PPP1R37: variants seen among roughly 807,000 people sequenced by gnomAD.
PPP1R37 encodes leucine rich repeat containing 68.
In PPP1R37, 21 loss-of-function variants were observed where a neutral mutation model predicts 61.0. The observed-to-expected ratio is 0.34, with a 90% CI of 0.24 to 0.50. PPP1R37 has a LOEUF of 0.50. Ranked by LOEUF, PPP1R37 falls within the 20% of genes least tolerant of loss-of-function variation. The pLI is 0.98. For missense variants in PPP1R37, 910 were observed against 952.7 expected, an observed-to-expected ratio of 0.96 and a Z score of 0.59; for synonymous variants, 443 against 433.5, an observed-to-expected ratio of 1.02 and a Z score of -0.27.
intron 3 of PPP1R37, 76 bp from the exon 4 acceptor site, chr19:45,140,430 T>TGGGGGGG: frequency 1.0e-6 from 1 of 985,992 alleles, no homozygotes; most frequent in Non-Finnish European, 1.4e-6. Flanking sequence ...GGGTGGGAGG[T>TGGGGGGG]TGGGGGCAGA....
At chr19:45,110,116 C>CTTTT (rs373508881) in intron 1 of PPP1R37, among the ~76,000 whole-genome samples, 10 of 142,486 alleles carry the variant, frequency 7.0e-5, no homozygotes, top group Non-Finnish European at 3.1e-5. Context: ...TTCCCTTTTT[C>CTTTT]TTTTTTTTTT....
intron 1 of PPP1R37, among the ~76,000 whole-genome samples, chr19:45,095,851 G>A (rs573964606): frequency 1.3e-5 from 2 of 151,998 alleles, no homozygotes; most frequent in Admixed American, 6.5e-5. Context: ...TTTGGGACCC[G>A]GGCACAGTCA....
chr19:45,143,323 T>C lies in PPP1R37; in HGVS notation c.875-198T>C. On this transcript the variant is annotated intron_variant, in intron 7 of 12. Transcript: ENST00000221462. ...AAGATCAGAAGCATCTGGTGGAGGC[T>C]GTCATCCAGGCACCCAGGCCCAGGG... is the stretch of plus-strand genomic sequence containing the variant. The C allele has an allele frequency of 7.5e-6, 4 of 533,432 alleles. No individual in the cohort carries two copies. In the South Asian group the frequency reaches 8.8e-5, roughly 12 times the overall value. The allele number at this position is 533,432 out of a possible 1,614,324, so 33.0% of individuals were successfully genotyped here.
intron 1 of PPP1R37, among the ~76,000 whole-genome samples, chr19:45,111,912 T>C (rs1968206010): frequency 6.6e-6 from 1 of 152,176 alleles, no homozygotes; most frequent in East Asian, 1.9e-4. Context: ...CTGCCTGTTT[T>C]TGAGTTTCAT....
chr19:45,094,400 T>C (rs1967965426), intron 1 of PPP1R37, among the ~76,000 whole-genome samples: 1 of 152,186 alleles, frequency 6.6e-6, no homozygotes, highest in Non-Finnish European at 1.5e-5. Context: ...GGGACATGGC[T>C]ACGGAAGGGT....
At chr19:45,126,061 T>TATCTG (rs1968400655) in intron 1 of PPP1R37, among the ~76,000 whole-genome samples, 2 of 152,156 alleles carry the variant, frequency 1.3e-5, no homozygotes, top group Non-Finnish European at 2.9e-5. Context: ...GCCCAAGTCG[T>TATCTG]GGGGGCTGAC....
rs115345281 is a variant in PPP1R37 at position 45,141,796 on chromosome 19, A to G, written c.568-265A>G. Among the ~76,000 whole-genome samples, 514 of 152,344 alleles carry G rather than the reference A, an allele frequency of 3.4e-3. 2 individuals are homozygous for G. The highest frequency in any genetic ancestry group is 0.012 in the African/African-American group (483 of 41,578). ...GGACGGGGCTATCTGGTAACCTCCC[A>G]GCCACACAGGAGTTGGAGATCCTGG... On this transcript the variant is annotated intron_variant, in intron 5 of 12. Coordinates refer to ENST00000221462, the MANE Select transcript of PPP1R37 (RefSeq NM_019121.2).
At position 45,142,619 on chromosome 19, in the gene PPP1R37, A is replaced by G. The variant is rs1968629162; in HGVS notation, c.874+161A>G. ...GACAGACCCGCCCTAGACAGTGACA[A>G]CCTAGAGTGGGCAGGACTGGGCTGG... On this transcript the variant is annotated intron_variant, in intron 7 of 12. Coordinates refer to ENST00000221462, the MANE Select transcript of PPP1R37 (RefSeq NM_019121.2). 5.4e-6 allele frequency: 4 copies of G among 736,936 alleles called. No individual in the cohort carries two copies. In the Admixed American group the frequency reaches 8.4e-5, roughly 15 times the overall value. 45.6% of individuals were successfully genotyped at this position (736,936 alleles called of 1,614,324 possible). A position where few individuals can be genotyped will look rare whatever the true frequency, so the allele number is the denominator to read the frequency against.
intron 7 of PPP1R37, 109 bp downstream of exon 7, chr19:45,142,567 C>CGTTGGGG: frequency 2.6e-6 from 3 of 1,148,218 alleles, no homozygotes; most frequent in Non-Finnish European, 3.7e-6. Flanking sequence ...CACCCCAACG[C>CGTTGGGG]TGTCCTGCTG....
intron 4 of PPP1R37, among the ~76,000 whole-genome samples, chr19:45,140,970 C>CA (rs1968603708): frequency 6.6e-6 from 1 of 152,150 alleles, no homozygotes; most frequent in South Asian, 2.1e-4. Flanking sequence ...CAAGGGCCCT[C>CA]ACCTCCTCAG....
At chr19:45,119,601 A>G (rs1968314158) in intron 1 of PPP1R37, among the ~76,000 whole-genome samples, 1 of 152,140 alleles carries the variant, frequency 6.6e-6, no homozygotes, top group Admixed American at 6.5e-5. Flanking sequence ...CACCTGCATT[A>G]TTTTGCAGCA....
intron 1 of PPP1R37, among the ~76,000 whole-genome samples, chr19:45,099,000 C>T (rs1968029150): frequency 6.6e-6 from 1 of 152,150 alleles, no homozygotes; most frequent in Non-Finnish European, 1.5e-5. Flanking sequence ...TAAAATGCAG[C>T]AGTATGTCCT....
Position 45,119,910 on chromosome 19 carries a change from C to T in PPP1R37, c.203-18604C>T, listed in dbSNP as rs569894463. On this transcript the variant is annotated intron_variant, in intron 1 of 12. Coordinates refer to ENST00000221462, the MANE Select transcript of PPP1R37 (RefSeq NM_019121.2). Reference sequence around the variant, plus strand: ...GCTGCCAGGAAGCCCGGAGAAGGGCCTGGGGTCCCTCTTTGTTCCTGGTTC... The same window carrying T: ...GCTGCCAGGAAGCCCGGAGAAGGGCTTGGGGTCCCTCTTTGTTCCTGGTTC... 4.6e-5 allele frequency among the ~76,000 whole-genome samples: 7 copies of T among 152,298 alleles called. 1 individual carries two copies. The highest frequency in any genetic ancestry group is 1.7e-4 in the African/African-American group (7 of 41,552).
chr19:45,109,668 A>G (rs973871503), intron 1 of PPP1R37, among the ~76,000 whole-genome samples: 2 of 152,158 alleles, frequency 1.3e-5, no homozygotes, highest in Non-Finnish European at 2.9e-5. Flanking sequence ...ACAGCTATGG[A>G]GGCTCAGCAA....
At chr19:45,114,677 T>C (rs1968241955) in intron 1 of PPP1R37, among the ~76,000 whole-genome samples, 1 of 151,982 alleles carries the variant, frequency 6.6e-6, no homozygotes, top group Non-Finnish European at 1.5e-5. Flanking sequence ...CTGGGCATAG[T>C]GGCTCACACC....
chr19:45,097,096 CG>C (rs1207434521), intron 1 of PPP1R37, among the ~76,000 whole-genome samples: 1 of 151,788 alleles, frequency 6.6e-6, no homozygotes, highest in Non-Finnish European at 1.5e-5. Flanking sequence ...GAAGAGGAAT[CG>C]TGGTACAGAA....
At chr19:45,137,468 C>T (rs1406325036) in intron 1 of PPP1R37, among the ~76,000 whole-genome samples, 2 of 152,214 alleles carry the variant, frequency 1.3e-5, no homozygotes, top group African/African-American at 2.4e-5. Flanking sequence ...CGCATGGTGG[C>T]GGCTGTGGCC....
intron 1 of PPP1R37, among the ~76,000 whole-genome samples, chr19:45,104,763 G>T (rs1015375225): frequency 9.2e-5 from 14 of 152,026 alleles, no homozygotes; most frequent in African/African-American, 3.4e-4. Flanking sequence ...CACCATCGCC[G>T]GCCACGACCG....
intron 1 of PPP1R37, among the ~76,000 whole-genome samples, chr19:45,096,246 C>T (rs1967991969): frequency 6.6e-6 from 1 of 151,938 alleles, no homozygotes; most frequent in Admixed American, 6.6e-5. Flanking sequence ...ATGCGTGGGC[C>T]TGGAGTGAGG....
Sources: gnomAD v4.1 joint callset for allele counts (sites outside exome capture counted in the v4.1 genomes callset) on GRCh38, gnomAD v4.1.1 for gene constraint, MANE v1.5 for transcripts, NCBI Gene and HGNC (gene_info 2026-07-23, HGNC 2026-07-21) for gene names.